The following ATXN7 variants were observed in gnomAD, a reference collection of about 807,000 sequenced individuals.
ATXN7 encodes the protein ataxin-7.
In ATXN7, 12 loss-of-function variants were observed where a neutral mutation model predicts 70.5. The ratio of observed to expected loss-of-function variants is 0.17; its 90% CI spans 0.11 to 0.28. The LOEUF (loss-of-function observed/expected upper bound fraction) is 0.28. ATXN7 is among the 10% of genes least tolerant of loss of function. ATXN7 has a pLI of 1.00. For synonymous variants in ATXN7, 498 were observed against 448.7 expected, an observed-to-expected ratio of 1.11 and a Z score of -1.39; for missense variants, 1,256 against 1,131.7, an observed-to-expected ratio of 1.11 and a Z score of -1.58.
intron 1 of ATXN7, among the ~76,000 whole-genome samples, chr3:63,874,704 T>G (rs1351564546): frequency 1.3e-5 from 2 of 152,192 alleles, no homozygotes; most frequent in Admixed American, 1.3e-4. Flanking sequence ...CAGAAGCTCC[T>G]TTTCTGGATT....
intron 5 of ATXN7, among the ~76,000 whole-genome samples, chr3:63,975,671 T>TA (rs1209708743): frequency 6.6e-6 from 1 of 152,182 alleles, no homozygotes; most frequent in Non-Finnish European, 1.5e-5. Flanking sequence ...CTTATAACTT[T>TA]AAAAAAATCT....
At position 63,995,797 on chromosome 3, in the gene ATXN7, C is replaced by G. The variant is rs529811675; in HGVS notation, c.1975C>G (p.Leu659Val). Reference sequence around the variant, plus strand: ...CTCATCCCCTTCCACGCCCTCTGGCCTTTCCTCGGTTCCTTCCTCCCCCAT... The same window carrying G: ...CTCATCCCCTTCCACGCCCTCTGGCGTTTCCTCGGTTCCTTCCTCCCCCAT... ...SSSSPSTPSG[L>V]SSVPSSPMSR... Residue 659 changes from leucine (L) to valine (V), a missense_variant, in exon 12 of 13, where the codon CTT becomes GTT. By Grantham distance (32) the Leu-to-Val change is conservative. Coordinates refer to ENST00000674280, the MANE Select transcript of ATXN7 (RefSeq NM_001377405.1). The G allele has an allele frequency of 1.9e-6, 3 of 1,614,118 alleles. No individual in the cohort carries two copies. Among genetic ancestry groups the G allele is most frequent in the Non-Finnish European group, 1.7e-6 (2 of 1,180,048 alleles).
intron 12 of ATXN7, chr3:63,997,763 C>A (rs916201016): frequency 6.6e-7 from 1 of 1,518,570 alleles, no homozygotes. Context: ...CGGGTTAGGA[C>A]TTTTTCAGAA....
intron 8 of ATXN7, among the ~76,000 whole-genome samples, chr3:63,984,028 G>T (rs1322965000): frequency 1.3e-5 from 2 of 151,890 alleles, no homozygotes; most frequent in African/African-American, 4.8e-5. Context: ...AGGACTTCAG[G>T]CCCTGTCCCA....
In ATXN7 at chr3:63,954,787, C is replaced by T. The variant is rs2075014842; in HGVS notation, c.499+2304C>T. 2.0e-5 allele frequency among the ~76,000 whole-genome samples: 3 copies of T among 148,622 alleles called. No homozygotes were observed. In the Admixed American group the frequency reaches 2.0e-4, roughly 10 times the overall value. The stretch of plus-strand genomic sequence containing the variant: ...GTAGTGGCGCCATCTCGGCTCACTG[C>T]AACCTCTGCCTCCTGGGTTCAAGCA... On this transcript the variant is annotated intron_variant, in intron 5 of 12. Transcript: ENST00000674280.
chr3:63,883,082 C>G (rs190693713), intron 1 of ATXN7, among the ~76,000 whole-genome samples: 2 of 152,272 alleles, frequency 1.3e-5, no homozygotes, highest in Admixed American at 1.3e-4. Context: ...ATTGTAAAGG[C>G]TTGGCTTACC....
At chr3:63,932,088 A>G (rs1253948428) in intron 4 of ATXN7, among the ~76,000 whole-genome samples, 2 of 152,226 alleles carry the variant, frequency 1.3e-5, no homozygotes, top group Admixed American at 6.5e-5. Context: ...AGCACCACCA[A>G]TGAATATCCA....
At chr3:63,903,824 T>A (rs369725054) in intron 2 of ATXN7, 1 of 152,350 alleles carries the variant, frequency 6.6e-6, no homozygotes, top group East Asian at 1.9e-4. Flanking sequence ...AGGAATGCTG[T>A]GGCTGGTGGT....
In ATXN7 at chr3:64,000,140, G is replaced by C. The variant is rs1002333147; in HGVS notation, c.*673G>C. ...AAGTTTCTAACTTACAAACTGGTTT[G>C]AAATTTTTGATGCCCAGACAGCAAG... On this transcript the variant is annotated 3_prime_UTR_variant, in exon 13 of 13. Coordinates refer to ENST00000674280, the MANE Select transcript of ATXN7 (RefSeq NM_001377405.1). 1.3e-5 allele frequency: 2 copies of C among 152,562 alleles called. No individual in the cohort carries two copies. Among genetic ancestry groups the C allele is most frequent in the African/African-American group, 4.8e-5 (2 of 41,414 alleles). 9.5% of individuals were successfully genotyped at this position (152,562 alleles called of 1,614,324 possible).
At position 63,999,663 on chromosome 3, in the gene ATXN7, T is replaced by TA; in HGVS notation, c.*199dup. The TA allele has an allele frequency of 1.1e-6, 1 of 941,340 alleles. No homozygotes were observed. Among genetic ancestry groups the TA allele is most frequent in the Admixed American group, 2.1e-5 (1 of 48,012 alleles). 58.3% of individuals were successfully genotyped at this position (941,340 alleles called of 1,614,324 possible). A position where few individuals can be genotyped will look rare whatever the true frequency, so the allele number is the denominator to read the frequency against. ...CTATGTCTCTAGCAGTGAGTACTCA[T>TA]AAAGGACACTGGATCAAGTTCAGCC... On this transcript the variant is annotated 3_prime_UTR_variant, in exon 13 of 13. Transcript: ENST00000674280.
chr3:63,879,745 G>A (rs1001236018), intron 1 of ATXN7, among the ~76,000 whole-genome samples: 4 of 152,052 alleles, frequency 2.6e-5, no homozygotes, highest in Non-Finnish European at 5.9e-5. Context: ...TTATAAGGCA[G>A]AGTGAATTAG....
At chr3:63,990,534 T>A in intron 10 of ATXN7, 160 bp downstream of exon 10, 1 of 1,136,514 alleles carries the variant, frequency 8.8e-7, no homozygotes. Context: ...GCACACACTC[T>A]GTACGGGGGA....
At chr3:63,994,970 A>G (rs2075732342) in intron 11 of ATXN7, among the ~76,000 whole-genome samples, 1 of 152,196 alleles carries the variant, frequency 6.6e-6, no homozygotes, top group Non-Finnish European at 1.5e-5. Flanking sequence ...GTTCAGGCCA[A>G]TAGTTATGAC....
chr3:63,998,396 T>A (rs1056749681), intron 12 of ATXN7: 7 of 984,734 alleles, frequency 7.1e-6, no homozygotes, highest in East Asian at 1.1e-4. Context: ...ACACACACAC[T>A]TTTTTTTCTC....
At chr3:63,905,832 T>G (rs1703820474) in intron 2 of ATXN7, 1 of 152,182 alleles carries the variant, frequency 6.6e-6, no homozygotes, top group Non-Finnish European at 1.5e-5. Flanking sequence ...TTTATGTTTA[T>G]CAAAAGAGAA....
Position 63,990,744 on chromosome 3 carries a change from A to G in ATXN7, c.1567A>G (p.Thr523Ala). 5.0e-6 allele frequency: 8 copies of G among 1,614,152 alleles called. No homozygotes were observed. Among genetic ancestry groups the G allele is most frequent in the East Asian group, 2.2e-5 (1 of 44,876 alleles). ...GHHPQPASFC[T>A]FGSRQIGRGY... is the part of the protein sequence containing the mutation. ...GCTATGTTTTCTCTTGCAGTTTTGCACATTTGGGAGCCGGCAGATAGGAAG... is the reference window on the plus strand; with the variant it reads ...GCTATGTTTTCTCTTGCAGTTTTGCGCATTTGGGAGCCGGCAGATAGGAAG... Residue 523 changes from threonine (T) to alanine (A), a missense_variant, in exon 11 of 13, where the codon ACA becomes GCA. Physicochemically the swap from Thr to Ala is moderately conservative, Grantham distance 58. Coordinates refer to ENST00000674280, the MANE Select transcript of ATXN7 (RefSeq NM_001377405.1).
chr3:63,926,276 C>T (rs1704710857), intron 4 of ATXN7, among the ~76,000 whole-genome samples: 1 of 151,998 alleles, frequency 6.6e-6, no homozygotes, highest in Non-Finnish European at 1.5e-5. Flanking sequence ...GCAACAACAA[C>T]GAGTTAAAGA....
chr3:64,000,055 A>G lies in ATXN7; in HGVS notation c.*588A>G, dbSNP rs2075817713. On this transcript the variant is annotated 3_prime_UTR_variant, in exon 13 of 13. Coordinates refer to ENST00000674280, the MANE Select transcript of ATXN7 (RefSeq NM_001377405.1). Reference sequence around the variant, plus strand: ...AGGAATGAAATATAGATGTTAGCCCAAGACACCATGACAAAATAGCCCAGC... The same window carrying G: ...AGGAATGAAATATAGATGTTAGCCCGAGACACCATGACAAAATAGCCCAGC... 6.5e-6 allele frequency: 1 copy of G among 153,132 alleles called. No individual in the cohort carries two copies. The highest frequency in any genetic ancestry group is 1.5e-5 in the Non-Finnish European group (1 of 68,428). 9.5% of individuals were successfully genotyped at this position (153,132 alleles called of 1,614,324 possible).
At chr3:63,887,820 G>A (rs1457699553) in intron 1 of ATXN7, among the ~76,000 whole-genome samples, 1 of 149,706 alleles carries the variant, frequency 6.7e-6, no homozygotes, top group East Asian at 2.0e-4. Context: ...CGATCCACCT[G>A]CCTCAGCTTC....
Sources: allele counts gnomAD v4.1 joint callset (sites outside exome capture counted in the v4.1 genomes callset), GRCh38; gene constraint gnomAD v4.1.1; transcripts MANE v1.5; gene names NCBI Gene and HGNC (gene_info 2026-07-23, HGNC 2026-07-21).